Variants in SPTA1 observed in about 807,000 individuals in gnomAD.
SPTA1 encodes spectrin alpha chain, erythrocytic 1.
In SPTA1, 177 loss-of-function variants were observed where a neutral mutation model predicts 324.7. The ratio of observed to expected loss-of-function variants is 0.55; its 90% CI spans 0.48 to 0.62. The LOEUF is 0.62. Among genes scored for constraint, SPTA1 ranks in the 20% least tolerant of loss-of-function variants. SPTA1 has a pLI of 0.00. For missense variants in SPTA1, 3,162 were observed against 2,883.6 expected, an observed-to-expected ratio of 1.10 and a Z score of -2.21; for synonymous variants, 1,195 against 1,041.3, an observed-to-expected ratio of 1.15 and a Z score of -2.84.
At chr1:158,668,539 T>C (rs575318913) in intron 14 of SPTA1, among the ~76,000 whole-genome samples, 2 of 152,188 alleles carry the variant, frequency 1.3e-5, no homozygotes, top group African/African-American at 2.4e-5. Flanking sequence ...TATCAAGATA[T>C]AAGAACAAAA....
intron 49 of SPTA1, 44 bp downstream of exon 49, chr1:158,614,209 A>C: frequency 7.2e-7 from 1 of 1,387,110 alleles, no homozygotes; most frequent in Non-Finnish European, 1.0e-6. Flanking sequence ...CATTCTGAAT[A>C]ATCTGAAAAA....
intron 7 of SPTA1, 22 bp downstream of exon 7, chr1:158,677,668 C>T (rs1376402880): frequency 6.2e-7 from 1 of 1,612,610 alleles, no homozygotes; most frequent in Non-Finnish European, 8.5e-7. Context: ...ACGGGTTAGC[C>T]ATTTCTCTAA....
intron 46 of SPTA1, 129 bp from the exon 47 acceptor site, chr1:158,617,717 A>G: frequency 1.1e-6 from 1 of 928,370 alleles, no homozygotes; most frequent in Non-Finnish European, 1.7e-6. Flanking sequence ...GCAAAATTTC[A>G]CAGAGCCAAA....
chr1:158,681,467 T>G, intron 4 of SPTA1, 60 bp downstream of exon 4: 1 of 1,612,238 alleles, frequency 6.2e-7, no homozygotes. Flanking sequence ...TAATTTGCTA[T>G]GGGGTACCTG....
Position 158,620,350 on chromosome 1 carries a change from C to T in SPTA1, c.6237G>A (p.Arg2079=). ...AGTCCTCATGGTCTTTCTGCAGCTG[C>T]CGAATTTCATTCAGGGAGACACAGT... The part of the protein sequence containing the change: ...PVHCVSLNEI[R]QLQKDHEDFL... Residue 2079 remains arginine, a synonymous_variant, in exon 44 of 52, where the codon CGG becomes CGA. Coordinates refer to ENST00000643759, the MANE Select transcript of SPTA1 (RefSeq NM_003126.4). The T allele has an allele frequency of 6.2e-7, 1 of 1,614,084 alleles. No homozygotes were observed. The highest frequency in any genetic ancestry group is 8.5e-7 in the Non-Finnish European group (1 of 1,180,040).
chr1:158,651,462 T>C lies in SPTA1; in HGVS notation c.3382A>G (p.Asn1128Asp). ...TCCCTTAGCCGAGGCTCATTGGTAT[T>C]CAAATCCTGAATGGGAAAATTCATC... ...KKFDEFQKDLNTNEPRLRDIN... is the reference protein window; with the variant it reads ...KKFDEFQKDLDTNEPRLRDIN... The change falls in exon 24 of 52, where the codon AAT (asparagine) becomes GAT (aspartate). Residue 1128 changes from asparagine (N) to aspartate (D), a missense_variant. Physicochemically the swap from Asn to Asp is conservative, Grantham distance 23. Coordinates refer to ENST00000643759, the MANE Select transcript of SPTA1 (RefSeq NM_003126.4). The C allele has an allele frequency of 1.9e-6, 3 of 1,610,194 alleles. No individual in the cohort carries two copies. Among genetic ancestry groups the C allele is most frequent in the Admixed American group, 1.7e-5 (1 of 60,000 alleles).
chr1:158,612,636 G>A (rs2518489), intron 51 of SPTA1, 181 bp downstream of exon 51: 177,779 of 653,840 alleles, frequency 0.27, 25,228 homozygotes, highest in East Asian at 0.4. Context: ...ACCACAGTAC[G>A]TTTTTGAGTT....
intron 38 of SPTA1, among the ~76,000 whole-genome samples, 170 bp downstream of exon 38, chr1:158,635,743 T>C (rs1348625488): frequency 6.6e-6 from 1 of 152,090 alleles, no homozygotes; most frequent in Non-Finnish European, 1.5e-5. Context: ...GTGTCTGGGG[T>C]ATATGGAGGA....
intron 5 of SPTA1, among the ~76,000 whole-genome samples, chr1:158,679,638 C>T (rs1251341893): frequency 2.6e-5 from 4 of 152,062 alleles, no homozygotes; most frequent in African/African-American, 7.2e-5. Context: ...TCCTTCACCC[C>T]AGCTGAGCCA....
At position 158,683,486 on chromosome 1, in the gene SPTA1, T is replaced by C. The variant is rs1654954842; in HGVS notation, c.275A>G (p.Gln92Arg). The stretch of plus-strand genomic sequence containing the variant: ...CTCTGCTTCAAGGGATTGATGCTTC[T>C]GATATTTCCCCTAAAGTTTAGAAAT... ...EDPTNIQGKY[Q>R]KHQSLEAEVQ... Residue 92 changes from glutamine to arginine, a missense_variant, in exon 3 of 52, where the codon CAG (glutamine) becomes CGG (arginine). By Grantham distance (43) the Gln-to-Arg change is conservative (BLOSUM62 1). Coordinates refer to ENST00000643759, the MANE Select transcript of SPTA1 (RefSeq NM_003126.4). 1.2e-6 allele frequency: 2 copies of C among 1,613,132 alleles called. No individual in the cohort carries two copies. Among genetic ancestry groups the C allele is most frequent in the Non-Finnish European group, 8.5e-7 (1 of 1,179,370 alleles).
intron 41 of SPTA1, 70 bp downstream of exon 41, chr1:158,626,769 C>G (rs1416546692): frequency 1.3e-6 from 2 of 1,597,732 alleles, no homozygotes. Flanking sequence ...TCCCAGAGAC[C>G]ATTCTACACA....
intron 2 of SPTA1, 132 bp downstream of exon 2, chr1:158,684,976 G>T: frequency 1.8e-6 from 2 of 1,096,480 alleles, no homozygotes; most frequent in Non-Finnish European, 2.7e-6. Context: ...CCACTCCACT[G>T]ACTTATTTTT....
chr1:158,685,443 A>G (rs1176703537), intron 1 of SPTA1, 96 bp from the exon 2 acceptor site: 4 of 1,537,486 alleles, frequency 2.6e-6, no homozygotes, highest in East Asian at 2.3e-5. Flanking sequence ...TGTTGGACCT[A>G]TATTCAGATA....
chr1:158,655,444 C>T (rs1198558257), intron 20 of SPTA1, among the ~76,000 whole-genome samples: 1 of 152,162 alleles, frequency 6.6e-6, no homozygotes, highest in African/African-American at 2.4e-5. Flanking sequence ...ACCCCTTCCT[C>T]AGGTTGGAGT....
At position 158,666,318 on chromosome 1, in the gene SPTA1, G is replaced by A; in HGVS notation, c.2218C>T (p.Gln740Ter). The A allele has an allele frequency of 6.2e-7, 1 of 1,613,342 alleles. No individual in the cohort carries two copies. Among genetic ancestry groups the A allele is most frequent in the Non-Finnish European group, 8.5e-7 (1 of 1,179,910 alleles). ...TGGCCAAAGAGCTAACAACAAACCT[G>A]ACGAGCAGCCACAGCCGACTCCAGG... ...GLLESAVAAR[Q>*]DQVDILTDLA... The change falls in exon 16 of 52, where the codon CAG becomes TAG. Residue 740 changes from glutamine (Q) to a stop codon, truncating the protein, a stop_gained and splice_region_variant. Coordinates refer to ENST00000643759, the MANE Select transcript of SPTA1 (RefSeq NM_003126.4). LOFTEE classifies it high-confidence loss of function.
chr1:158,619,072 C>T lies in SPTA1; in HGVS notation c.6530+150G>A, dbSNP rs866419947. 5 of 784,434 alleles carry T rather than the reference C, an allele frequency of 6.4e-6. 1 individual carries two copies. Among genetic ancestry groups the T allele is most frequent in the South Asian group, 5.8e-5 (4 of 68,828 alleles). 48.6% of individuals were successfully genotyped at this position (784,434 alleles called of 1,614,324 possible). A position where few individuals can be genotyped will look rare whatever the true frequency, so the allele number is the denominator to read the frequency against. On this transcript the variant is annotated intron_variant, in intron 45 of 51. Coordinates refer to ENST00000643759, the MANE Select transcript of SPTA1 (RefSeq NM_003126.4). ...AAGAATTGATTCAGAAAACAGTCAA[C>T]TCCAAATATAAAGCATAGGCAAGAT...
At chr1:158,679,320 T>C (rs1232668789) in intron 5 of SPTA1, among the ~76,000 whole-genome samples, 1 of 152,126 alleles carries the variant, frequency 6.6e-6, no homozygotes, top group Admixed American at 6.6e-5. Flanking sequence ...ATTCTTTCTA[T>C]GATAGATTGG....
Position 158,677,939 on chromosome 1 carries a change from A to G in SPTA1, c.813-105T>C, listed in dbSNP as rs16840534. 8.4e-3 allele frequency: 11,941 copies of G among 1,415,384 alleles called. 799 individuals are homozygous for G. In the African/African-American group the frequency reaches 0.15, roughly 17 times the overall value. 87.7% of individuals were successfully genotyped at this position (1,415,384 alleles called of 1,614,324 possible). Reference sequence around the variant, plus strand: ...GGACCATCCTAGTTGACCCAGGAGCAATTATCCTTTCTTCCTACATACTAG... The same window carrying G: ...GGACCATCCTAGTTGACCCAGGAGCGATTATCCTTTCTTCCTACATACTAG... On this transcript the variant is annotated intron_variant, in intron 6 of 51. Transcript: ENST00000643759.
At chr1:158,656,447 A>T in intron 20 of SPTA1, 117 bp downstream of exon 20, 2 of 900,266 alleles carry the variant, frequency 2.2e-6, no homozygotes, top group Non-Finnish European at 3.7e-6. Context: ...CATAGAACTT[A>T]GTGTTTTCTT....
Sources: allele counts gnomAD v4.1 joint callset (sites outside exome capture counted in the v4.1 genomes callset), GRCh38; gene constraint gnomAD v4.1.1; transcripts MANE v1.5; gene names NCBI Gene and HGNC (gene_info 2026-07-23, HGNC 2026-07-21).